The following ANK3 variants were observed in gnomAD, a reference collection of about 807,000 sequenced individuals.
ANK3 encodes the protein ankyrin 3.
Under a neutral mutation model 370.9 loss-of-function variants are expected in ANK3, and 57 were observed. The observed-to-expected ratio is 0.15, with a 90% CI of 0.12 to 0.19. The LOEUF is 0.19. ANK3 is among the 10% of genes least tolerant of loss of function. The probability of loss-of-function intolerance (pLI) is 1.00; values close to 1 mark genes in which losing one functional copy is unlikely to be tolerated. For synonymous variants in ANK3, 1,929 were observed against 1,946.3 expected, an observed-to-expected ratio of 0.99 and a Z score of 0.23; for missense variants, 4,439 against 5,302.1, an observed-to-expected ratio of 0.84 and a Z score of 5.06.
At chr10:60,624,278 G>A (rs1380272501) in intron 1 of ANK3, among the ~76,000 whole-genome samples, 1 of 152,050 alleles carries the variant, frequency 6.6e-6, no homozygotes, top group Non-Finnish European at 1.5e-5. Flanking sequence ...GGGGATGTAG[G>A]TGATATATTT....
chr10:60,271,765 TAGAA>T (rs1428064808), intron 4 of ANK3, among the ~76,000 whole-genome samples: 1 of 151,768 alleles, frequency 6.6e-6, no homozygotes, highest in African/African-American at 2.4e-5. Context: ...AACTGAGAAT[TAGAA>T]AGTAAGTTAA....
chr10:60,517,834 C>T (rs117423739), intron 2 of ANK3, among the ~76,000 whole-genome samples: 3,900 of 152,084 alleles, frequency 0.026, 71 homozygotes, highest in Non-Finnish European at 0.036. Flanking sequence ...AAATCAGCCA[C>T]TGGGGCCTCC....
chr10:60,343,504 A>T (rs1315938671), intron 1 of ANK3, among the ~76,000 whole-genome samples: 1 of 152,152 alleles, frequency 6.6e-6, no homozygotes, highest in East Asian at 1.9e-4. Context: ...GAGTATAAGT[A>T]AGCTAAATCC....
At chr10:60,686,097 A>C (rs2079264126) in intron 1 of ANK3, among the ~76,000 whole-genome samples, 1 of 152,170 alleles carries the variant, frequency 6.6e-6, no homozygotes, top group Non-Finnish European at 1.5e-5. Flanking sequence ...CAGAAGAACA[A>C]GAATAGGTAA....
chr10:60,080,408 A>T, intron 36 of ANK3, 129 bp downstream of exon 36: 1 of 764,648 alleles, frequency 1.3e-6, no homozygotes. Flanking sequence ...AGGTTGTATG[A>T]CAGGGTTTTC....
chr10:60,376,820 C>T (rs1285396025), intron 1 of ANK3, among the ~76,000 whole-genome samples: 1 of 152,170 alleles, frequency 6.6e-6, no homozygotes, highest in African/African-American at 2.4e-5. Flanking sequence ...ATAATGAAGA[C>T]AAACGAATGG....
chr10:60,161,067 G>GTA (rs1328275575), intron 23 of ANK3, among the ~76,000 whole-genome samples: 3 of 151,996 alleles, frequency 2.0e-5, no homozygotes, highest in Admixed American at 2.0e-4. Flanking sequence ...AAGAAATAAA[G>GTA]GACATCCAAA....
intron 1 of ANK3, among the ~76,000 whole-genome samples, chr10:60,288,645 C>T (rs192060619): frequency 4.7e-4 from 72 of 152,042 alleles, no homozygotes; most frequent in Non-Finnish European, 8.5e-4. Context: ...TCCCCTGGGA[C>T]GGGGGAGTAG....
chr10:60,500,713 C>T (rs61855292), intron 2 of ANK3, among the ~76,000 whole-genome samples: 58,076 of 151,932 alleles, frequency 0.38, 11,414 homozygotes, highest in Middle Eastern at 0.42. Context: ...TTAATCTGAA[C>T]CTCTATCGGT....
chr10:60,676,177 T>C (rs1212001407), intron 1 of ANK3, among the ~76,000 whole-genome samples: 19 of 152,184 alleles, frequency 1.2e-4, no homozygotes, highest in Admixed American at 1.2e-3. Context: ...AAATAGTTGA[T>C]GTTGCAATTT....
intron 38 of ANK3, among the ~76,000 whole-genome samples, chr10:60,064,672 G>GCAACAGCAA (rs2081276281): frequency 1.4e-5 from 2 of 146,102 alleles, no homozygotes; most frequent in Non-Finnish European, 3.0e-5. Flanking sequence ...CATACACACA[G>GCAACAGCAA]CAACAACAAC....
At chr10:60,504,983 T>C (rs1193406694) in intron 2 of ANK3, among the ~76,000 whole-genome samples, 1 of 152,104 alleles carries the variant, frequency 6.6e-6, no homozygotes, top group Non-Finnish European at 1.5e-5. Flanking sequence ...AACTTTTCTA[T>C]GTGTGAATAT....
chr10:60,696,710 T>A (rs2079458618), intron 1 of ANK3, among the ~76,000 whole-genome samples: 1 of 149,324 alleles, frequency 6.7e-6, no homozygotes, highest in Admixed American at 6.6e-5. Flanking sequence ...CAGCCCTTCA[T>A]GCTAAAAACT....
chr10:60,629,111 A>T (rs1369064376), intron 1 of ANK3, among the ~76,000 whole-genome samples: 1 of 152,142 alleles, frequency 6.6e-6, no homozygotes, highest in Non-Finnish European at 1.5e-5. Flanking sequence ...GACAAAAAAA[A>T]ATACTCTTCC....
chr10:60,303,537 G>T (rs562015596), intron 1 of ANK3, among the ~76,000 whole-genome samples: 4 of 152,084 alleles, frequency 2.6e-5, no homozygotes, highest in Non-Finnish European at 5.9e-5. Context: ...ACCACAATGA[G>T]CTATGACCTC....
At chr10:60,117,804 A>C (rs2093204770) in intron 25 of ANK3, among the ~76,000 whole-genome samples, 2 of 152,102 alleles carry the variant, frequency 1.3e-5, no homozygotes. Context: ...ACAGAGCAAG[A>C]CTCCGTCTCA....
chr10:60,618,916 G>A (rs1388207057), intron 1 of ANK3, among the ~76,000 whole-genome samples: 1 of 151,966 alleles, frequency 6.6e-6, no homozygotes, highest in Non-Finnish European at 1.5e-5. Context: ...TTTAGCAACT[G>A]TTGAAAAATT....
At chr10:60,159,413 C>T (rs778853372) in intron 23 of ANK3, among the ~76,000 whole-genome samples, 6 of 151,962 alleles carry the variant, frequency 3.9e-5, no homozygotes, top group East Asian at 1.9e-4. Context: ...CTGGAGCACC[C>T]GTATATATAA....
At chr10:60,484,707 G>A (rs1284008506) in intron 2 of ANK3, among the ~76,000 whole-genome samples, 6 of 152,226 alleles carry the variant, frequency 3.9e-5, no homozygotes, top group East Asian at 3.9e-4. Context: ...TTGCACAGGC[G>A]AAAACAAAGA....
Sources: gnomAD v4.1 joint callset for allele counts (sites outside exome capture counted in the v4.1 genomes callset) on GRCh38, gnomAD v4.1.1 for gene constraint, MANE v1.5 for transcripts, NCBI Gene and HGNC (gene_info 2026-07-23, HGNC 2026-07-21) for gene names.